DIP2B: variants seen among roughly 807,000 people sequenced by gnomAD.
The protein encoded by DIP2B is DIP2 acetate--CoA ligase B (putative).
In DIP2B, 76 loss-of-function variants were observed where a neutral mutation model predicts 198.0. That is an observed-to-expected ratio of 0.38 (90% CI 0.32 to 0.46). DIP2B has a LOEUF of 0.46. Ranked by LOEUF, DIP2B falls within the 20% of genes least tolerant of loss-of-function variation. The pLI is 0.99. For missense variants in DIP2B, 1,559 were observed against 1,978.4 expected (o/e 0.79, Z 4.02); for synonymous variants, 701 against 739.1 (o/e 0.95, Z 0.84).
intron 1 of DIP2B, among the ~76,000 whole-genome samples, chr12:50,519,760 A>C (rs770959294): frequency 3.3e-5 from 5 of 151,292 alleles, no homozygotes; most frequent in Non-Finnish European, 7.4e-5. Context: ...ATAAATGAAC[A>C]TAGATGCTTC....
intron 2 of DIP2B, among the ~76,000 whole-genome samples, chr12:50,635,239 C>T (rs1006306037): frequency 4.6e-5 from 7 of 152,146 alleles, no homozygotes; most frequent in African/African-American, 1.7e-4. Context: ...CTGTGACTTA[C>T]TTCGTCTTTC....
rs560234889 is a variant in DIP2B, at chr12:50,609,437, C to T, written c.101-16539C>T. Among the ~76,000 whole-genome samples, 10 of 152,328 alleles carry T rather than the reference C, an allele frequency of 6.6e-5. No homozygotes were observed. In the East Asian group the frequency reaches 1.7e-3, roughly 26 times the overall value. ...GCCATGGTCTCAACTAGTACAGCAA[C>T]TCTGCTTCATGAGGGTATTGGGCAA... On this transcript the variant is annotated intron_variant, in intron 1 of 37. Transcript: ENST00000301180.
chr12:50,731,765 G>A (rs934110173), intron 31 of DIP2B, among the ~76,000 whole-genome samples: 7 of 152,172 alleles, frequency 4.6e-5, no homozygotes, highest in African/African-American at 7.2e-5. Context: ...GACAAGAAGC[G>A]GAAACTGGTT....
intron 12 of DIP2B, among the ~76,000 whole-genome samples, chr12:50,690,609 T>C (rs1048729439): frequency 6.6e-6 from 1 of 152,224 alleles, no homozygotes; most frequent in South Asian, 2.1e-4. Flanking sequence ...TATAGTTGAA[T>C]GATTTGGAGG....
In DIP2B at chr12:50,678,159, T is replaced by C. The variant is rs1394074335; in HGVS notation, c.917-520T>C. ...ATGCCCATTGTCTGTTTGAGTGAAG[T>C]AATGACCCTGAGGTATAACTGTTAC... On this transcript the variant is annotated intron_variant, in intron 7 of 37. Coordinates refer to ENST00000301180, the MANE Select transcript of DIP2B (RefSeq NM_173602.3). Among the ~76,000 whole-genome samples the C allele has an allele frequency of 2.0e-5, 3 of 151,034 alleles. 1 individual carries two copies. Among genetic ancestry groups the C allele is most frequent in the African/African-American group, 7.3e-5 (3 of 40,956 alleles).
intron 36 of DIP2B, among the ~76,000 whole-genome samples, chr12:50,741,001 G>C (rs1940233010): frequency 6.6e-6 from 1 of 152,072 alleles, no homozygotes; most frequent in South Asian, 2.1e-4. Context: ...CCTGTCGCTG[G>C]GCTTGTTACA....
intron 1 of DIP2B, among the ~76,000 whole-genome samples, chr12:50,517,039 C>T (rs530872370): frequency 1.3e-5 from 2 of 150,446 alleles, no homozygotes; most frequent in South Asian, 2.2e-4. Flanking sequence ...GCCTTAGCCT[C>T]CTGAGTAGCT....
At chr12:50,561,525 T>C (rs951245895) in intron 1 of DIP2B, among the ~76,000 whole-genome samples, 1 of 152,186 alleles carries the variant, frequency 6.6e-6, no homozygotes, top group Non-Finnish European at 1.5e-5. Context: ...CATAAACACA[T>C]TGCATCTCAG....
At position 50,731,514 on chromosome 12, in the gene DIP2B, G is replaced by A; in HGVS notation, c.3787G>A (p.Gly1263Arg). 1 of 1,613,540 alleles carries A rather than the reference G, an allele frequency of 6.2e-7. No individual in the cohort carries two copies. Residue 1263 changes from glycine to arginine, a missense_variant, in exon 31 of 38, where the codon GGG (glycine) becomes AGG (arginine). Gly to Arg is a moderately radical substitution (Grantham distance 125). Coordinates refer to ENST00000301180, the MANE Select transcript of DIP2B (RefSeq NM_173602.3). ...GATGGAGCTCTGCACCAAAGGTCTT[G>A]GGAACCAAGTGGAAGTGCTAAAGGT... Reference protein sequence around the residue: ...SVMELCTKGLGNQVEVLKTRG... With the variant: ...SVMELCTKGLRNQVEVLKTRG...
chr12:50,505,022 C>CGGCGGCGGTGCTGGT lies in DIP2B; in HGVS notation c.-117_-116insCGGCGGTGCTGGTGG, dbSNP rs1274636642. Reference sequence around the variant, plus strand: ...CTCATGGCGGCGGCGGCGGCGGCGGCGGTGCTGGTGGTGCTCGGCGGCCGG... The same window carrying CGGCGGCGGTGCTGGT: ...CTCATGGCGGCGGCGGCGGCGGCGGCGGCGGCGGTGCTGGTGGTGCTGGTGGTGCTCGGCGGCCGG... On this transcript the variant is annotated 5_prime_UTR_variant, in exon 1 of 38. Coordinates refer to ENST00000301180, the MANE Select transcript of DIP2B (RefSeq NM_173602.3). 3.0e-6 allele frequency: 3 copies of CGGCGGCGGTGCTGGT among 1,001,276 alleles called. No individual in the cohort carries two copies. In the African/African-American group the frequency reaches 5.1e-5, roughly 17 times the overall value. 62.0% of individuals were successfully genotyped at this position (1,001,276 alleles called of 1,614,324 possible). A position where few individuals can be genotyped will look rare whatever the true frequency, so the allele number is the denominator to read the frequency against.
intron 32 of DIP2B, among the ~76,000 whole-genome samples, chr12:50,733,671 T>C (rs966182681): frequency 2.0e-5 from 3 of 152,192 alleles, no homozygotes; most frequent in Non-Finnish European, 4.4e-5. Flanking sequence ...ACCGCTGCAC[T>C]CCAGCAACCT....
At chr12:50,588,431 C>T (rs1490159681) in intron 1 of DIP2B, among the ~76,000 whole-genome samples, 1 of 152,110 alleles carries the variant, frequency 6.6e-6, no homozygotes, top group African/African-American at 2.4e-5. Context: ...ATTACAGGCA[C>T]GAGCCCCCGT....
At chr12:50,692,900 A>T (rs772507362) in intron 13 of DIP2B, 49 bp from the exon 14 acceptor site, 17 of 1,530,280 alleles carry the variant, frequency 1.1e-5, no homozygotes, top group Admixed American at 1.9e-5. Context: ...TAATTTTGCT[A>T]CTTAATACTA....
intron 3 of DIP2B, among the ~76,000 whole-genome samples, chr12:50,643,047 T>C (rs12817123): frequency 1.6e-5 from 2 of 121,898 alleles, no homozygotes; most frequent in Non-Finnish European, 1.9e-5. Context: ...TGTGTGTGAG[T>C]GTGTGTGTGC....
chr12:50,634,390 G>GCTT (rs1173161495), intron 2 of DIP2B, among the ~76,000 whole-genome samples: 2 of 152,198 alleles, frequency 1.3e-5, no homozygotes, highest in African/African-American at 4.8e-5. Context: ...TTGGATACAA[G>GCTT]TAACTGATAA....
intron 17 of DIP2B, among the ~76,000 whole-genome samples, chr12:50,697,673 G>A (rs1179580907): frequency 6.7e-6 from 1 of 149,144 alleles, no homozygotes; most frequent in Non-Finnish European, 1.5e-5. Flanking sequence ...AGGACTACAG[G>A]CATGTACCAC....
chr12:50,701,429 C>G (rs756552122), intron 19 of DIP2B, among the ~76,000 whole-genome samples: 1 of 152,152 alleles, frequency 6.6e-6, no homozygotes, highest in African/African-American at 2.4e-5. Flanking sequence ...GTCGCCCAGG[C>G]GGAGTGCAGT....
At chr12:50,541,997 CAA>C (rs1421591118) in intron 1 of DIP2B, among the ~76,000 whole-genome samples, 1 of 107,028 alleles carries the variant, frequency 9.3e-6, no homozygotes, top group Non-Finnish European at 1.9e-5. Context: ...GACTCTGTCT[CAA>C]AAAAAAAAAG....
At chr12:50,518,709 G>A (rs576756947) in intron 1 of DIP2B, among the ~76,000 whole-genome samples, 1 of 151,842 alleles carries the variant, frequency 6.6e-6, no homozygotes, top group South Asian at 2.1e-4. Context: ...ATCTTAACTG[G>A]TATGTCTCAT....
Sources: gnomAD v4.1 joint callset for allele counts (sites outside exome capture counted in the v4.1 genomes callset) on GRCh38, gnomAD v4.1.1 for gene constraint, MANE v1.5 for transcripts, NCBI Gene and HGNC (gene_info 2026-07-23, HGNC 2026-07-21) for gene names.